FAM83F: variants seen among roughly 807,000 people sequenced by gnomAD.
The protein encoded by FAM83F is scaffolding CK1 anchoring protein F, also known as protein FAM83F.
Under a neutral mutation model 42.9 loss-of-function variants are expected in FAM83F, and 45 were observed. The ratio of observed to expected loss-of-function variants is 1.05; its 90% confidence interval spans 0.83 to 1.35. The LOEUF (loss-of-function observed/expected upper bound fraction) is 1.35. Ranked by LOEUF, FAM83F falls within the 40% of genes most tolerant of loss-of-function variation. The probability of loss-of-function intolerance (pLI) is 0.00; values close to 1 mark genes in which losing one functional copy is unlikely to be tolerated. For synonymous variants in FAM83F, 306 were observed against 298.3 expected (o/e 1.03, Z -0.27); for missense variants, 617 against 695.9 (o/e 0.89, Z 1.28).
At chr22:40,020,748 A>G (rs987029407) in intron 3 of FAM83F, among the ~76,000 whole-genome samples, 1 of 152,182 alleles carries the variant, frequency 6.6e-6, no homozygotes, top group Non-Finnish European at 1.5e-5. Flanking sequence ...ATAGGTGACG[A>G]GAAGAGAGAG....
At position 40,023,471 on chromosome 22, in the gene FAM83F, C is replaced by T. The variant is rs1036411441; in HGVS notation, c.1453+1508C>T. ...GAGGTGGAAGAGGGGAAGGAGGGGG[C>T]GAGCCGACAGCAGCAAGGACTATTT... On this transcript the variant is annotated intron_variant, in intron 4 of 4. Coordinates refer to ENST00000333407, the MANE Select transcript of FAM83F (RefSeq NM_138435.4). The surrounding 1 kb of genome is among the most constrained non-coding windows in gnomAD (Gnocchi z 4.1). 4.6e-5 allele frequency among the ~76,000 whole-genome samples: 7 copies of T among 151,906 alleles called. No homozygotes were observed. Among genetic ancestry groups the T allele is most frequent in the South Asian group, 2.1e-4 (1 of 4,834 alleles).
At chr22:40,003,755 T>C (rs2067413419) in intron 1 of FAM83F, among the ~76,000 whole-genome samples, 3 of 152,216 alleles carry the variant, frequency 2.0e-5, no homozygotes, top group South Asian at 4.1e-4. Flanking sequence ...GCCTATGGCT[T>C]TTCTAATTAT....
intron 1 of FAM83F, among the ~76,000 whole-genome samples, chr22:40,000,147 G>T (rs2067391802): frequency 6.6e-6 from 1 of 152,206 alleles, no homozygotes; most frequent in African/African-American, 2.4e-5. Flanking sequence ...AGTGTCTGGA[G>T]ATGTCCCCAT....
rs2073602036 is a variant in FAM83F at position 40,035,727 on chromosome 22, CT to C, written c.*6165del. On this transcript the variant is annotated 3_prime_UTR_variant, in exon 5 of 5. Coordinates refer to ENST00000333407, the MANE Select transcript of FAM83F (RefSeq NM_138435.4). ...CAGCAAGCAATTTCACATCCCCGAACTTTCCTGTTTCCTCATGTGTCAAATG... is the reference window on the plus strand; with the variant it reads ...CAGCAAGCAATTTCACATCCCCGAACTTCCTGTTTCCTCATGTGTCAAATG... 1 of 152,274 alleles carries C rather than the reference CT, an allele frequency of 6.6e-6. No homozygotes were observed. The highest frequency in any genetic ancestry group is 2.4e-5 in the African/African-American group (1 of 41,454). The allele number at this position is 152,274 out of a possible 1,614,324, so 9.4% of individuals were successfully genotyped here. A position where few individuals can be genotyped will look rare whatever the true frequency, so the allele number is the denominator to read the frequency against.
rs1020903044 is a variant in FAM83F, at chr22:40,042,438, C to T, written c.*12873C>T. The T allele has an allele frequency of 1.3e-5, 2 of 152,210 alleles. No homozygotes were observed. Among genetic ancestry groups the T allele is most frequent in the South Asian group, 2.1e-4 (1 of 4,836 alleles). 9.4% of individuals were successfully genotyped at this position (152,210 alleles called of 1,614,324 possible). A position where few individuals can be genotyped will look rare whatever the true frequency, so the allele number is the denominator to read the frequency against. ...ATCACCAGTCTCTTGCCTAGCTAAC[C>T]GTAACTCATTCTTTAGTTCTCCTTG... is the stretch of plus-strand genomic sequence containing the variant. On this transcript the variant is annotated 3_prime_UTR_variant, in exon 5 of 5. Transcript: ENST00000333407.
intron 1 of FAM83F, among the ~76,000 whole-genome samples, chr22:40,011,186 C>T (rs1273063847): frequency 6.6e-6 from 1 of 152,008 alleles, no homozygotes; most frequent in Non-Finnish European, 1.5e-5. Flanking sequence ...ATGCAGTGTG[C>T]TTTTTTGTTT....
chr22:40,019,107 A>G (rs566712196), intron 1 of FAM83F, 61 bp from the exon 2 acceptor site: 2 of 1,585,090 alleles, frequency 1.3e-6, no homozygotes, highest in Admixed American at 3.4e-5. Context: ...CCATCTGAGC[A>G]GGGCATGCCT....
chr22:40,019,116 C>G, intron 1 of FAM83F, 52 bp from the exon 2 acceptor site: 12 of 1,599,380 alleles, frequency 7.5e-6, no homozygotes, highest in Non-Finnish European at 1.0e-5. Flanking sequence ...CAGGGCATGC[C>G]TCTGTGGGCG....
chr22:40,006,649 G>T (rs1302216344), intron 1 of FAM83F, among the ~76,000 whole-genome samples: 1 of 152,242 alleles, frequency 6.6e-6, no homozygotes, highest in Non-Finnish European at 1.5e-5. Context: ...ATAATCTTGT[G>T]GGGTATGAGC....
In FAM83F at chr22:40,041,197, A is replaced by G. The variant is rs766664278; in HGVS notation, c.*11632A>G. On this transcript the variant is annotated 3_prime_UTR_variant, in exon 5 of 5. Transcript: ENST00000333407. ...ATAGAACACCACATATAGAGCGCTA[A>G]GAATAGCACAGCGCTCCAAGAACAT... is the stretch of plus-strand genomic sequence containing the variant. 1 of 152,240 alleles carries G rather than the reference A, an allele frequency of 6.6e-6. No individual in the cohort carries two copies. Among genetic ancestry groups the G allele is most frequent in the South Asian group, 2.1e-4 (1 of 4,830 alleles). 9.4% of individuals were successfully genotyped at this position (152,240 alleles called of 1,614,324 possible).
Position 40,034,400 on chromosome 22 carries a change from G to GT in FAM83F, c.*4836dup, listed in dbSNP as rs1404994257. ...GCAAGAAGGGCAGGCACAGCCGTGA[G>GT]TATGTTCTGGGGCTAAGTAACCATG... On this transcript the variant is annotated 3_prime_UTR_variant, in exon 5 of 5. Coordinates refer to ENST00000333407, the MANE Select transcript of FAM83F (RefSeq NM_138435.4). 6.6e-6 allele frequency: 1 copy of GT among 152,390 alleles called. No homozygotes were observed. The highest frequency in any genetic ancestry group is 1.5e-5 in the Non-Finnish European group (1 of 68,176). The allele number at this position is 152,390 out of a possible 1,614,324, so 9.4% of individuals were successfully genotyped here. A position where few individuals can be genotyped will look rare whatever the true frequency, so the allele number is the denominator to read the frequency against.
rs2067531879 is a variant in FAM83F, at chr22:40,023,245, GCCAGGATTCAAGA to G, written c.1453+1288_1453+1300del. Among the ~76,000 whole-genome samples the G allele has an allele frequency of 6.6e-6, 1 of 152,158 alleles. No individual in the cohort carries two copies. The highest frequency in any genetic ancestry group is 6.5e-5 in the Admixed American group (1 of 15,282). ...CCAGGTCACAGGAAGTGGTAGTAAG[GCCAGGATTCAAGA>G]CCAGGCATGGGCACAGCCATGTTCT... On this transcript the variant is annotated intron_variant, in intron 4 of 4. Coordinates refer to ENST00000333407, the MANE Select transcript of FAM83F (RefSeq NM_138435.4). The surrounding 1 kb of genome is among the most constrained non-coding windows in gnomAD (Gnocchi z 4.1).
At chr22:40,020,838 TA>T (rs934847452) in intron 3 of FAM83F, among the ~76,000 whole-genome samples, 10 of 152,102 alleles carry the variant, frequency 6.6e-5, no homozygotes, top group Non-Finnish European at 1.3e-4. Context: ...ACTAAGTGCT[TA>T]AAAAAATCAG....
Position 40,031,731 on chromosome 22 carries a change from C to T in FAM83F, c.*2166C>T, listed in dbSNP as rs2067588878. 1 of 152,272 alleles carries T rather than the reference C, an allele frequency of 6.6e-6. No individual in the cohort carries two copies. Among genetic ancestry groups the T allele is most frequent in the Non-Finnish European group, 1.5e-5 (1 of 68,064 alleles). 9.4% of individuals were successfully genotyped at this position (152,272 alleles called of 1,614,324 possible). On this transcript the variant is annotated 3_prime_UTR_variant, in exon 5 of 5. Transcript: ENST00000333407. Reference sequence around the variant, plus strand: ...CAGCCACAAGGCAGGAGTGCCCAGGCAGGGTGCCTCTCCCTGCTGGCCTGT... The same window carrying T: ...CAGCCACAAGGCAGGAGTGCCCAGGTAGGGTGCCTCTCCCTGCTGGCCTGT...
At chr22:40,018,501 C>T (rs2067502795) in intron 1 of FAM83F, among the ~76,000 whole-genome samples, 1 of 152,086 alleles carries the variant, frequency 6.6e-6, no homozygotes, top group Non-Finnish European at 1.5e-5. Flanking sequence ...TGCAATGGCA[C>T]GATCTCGGCT....
intron 1 of FAM83F, among the ~76,000 whole-genome samples, chr22:40,000,778 C>T (rs570056914): frequency 6.6e-6 from 1 of 152,300 alleles, no homozygotes; most frequent in East Asian, 1.9e-4. Context: ...CTCCCATTAT[C>T]CTCCTCCCCT....
intron 1 of FAM83F, among the ~76,000 whole-genome samples, chr22:40,014,654 A>G (rs1387874284): frequency 1.3e-5 from 2 of 151,902 alleles, no homozygotes. Context: ...CTTCTTTTTC[A>G]TTCAGTATTT....
chr22:40,002,562 C>T (rs973557692), intron 1 of FAM83F, among the ~76,000 whole-genome samples: 4 of 152,114 alleles, frequency 2.6e-5, no homozygotes, highest in Admixed American at 1.3e-4. Flanking sequence ...AGGCCACTGG[C>T]GGGTGGAGGG....
chr22:40,005,384 A>G (rs993304231), intron 1 of FAM83F, among the ~76,000 whole-genome samples: 13 of 152,236 alleles, frequency 8.5e-5, no homozygotes, highest in Non-Finnish European at 1.9e-4. Context: ...AGCTTGCATT[A>G]GATAATTTTC....
Sources: gnomAD v4.1 joint callset for allele counts (sites outside exome capture counted in the v4.1 genomes callset) on GRCh38, gnomAD v4.1.1 for gene constraint, Gnocchi (gnomAD v3.1) non-coding constraint, MANE v1.5 for transcripts, NCBI Gene and HGNC (gene_info 2026-07-23, HGNC 2026-07-21) for gene names.